Variants in ERMP1 observed in about 807,000 individuals in gnomAD.
ERMP1 encodes Felix-ina.
ERMP1 carries 86 observed loss-of-function variants against 92.0 expected under a neutral mutation model. The observed-to-expected ratio is 0.93, with a 90% CI of 0.79 to 1.12. The LOEUF (loss-of-function observed/expected upper bound fraction) is 1.12, where lower values mean the gene tolerates loss of function less well. ERMP1 is among the 50% of genes most tolerant of loss of function. The pLI, the probability that ERMP1 is intolerant of heterozygous loss-of-function variation, is 0.00. For synonymous variants in ERMP1, 530 were observed against 412.8 expected (o/e 1.28, Z -3.44); for missense variants, 1,342 against 1,116.3 (o/e 1.20, Z -2.88).
intron 10 of ERMP1, among the ~76,000 whole-genome samples, chr9:5,804,340 G>A (rs1422112060): frequency 6.6e-6 from 1 of 152,108 alleles, no homozygotes; most frequent in Admixed American, 6.5e-5. Context: ...CTCAAGGGGG[G>A]TCTGGTCTTA....
chr9:5,819,271 G>A (rs1182376583), intron 4 of ERMP1, among the ~76,000 whole-genome samples: 1 of 152,162 alleles, frequency 6.6e-6, no homozygotes, highest in Non-Finnish European at 1.5e-5. Context: ...CGACAATGTG[G>A]ATGAACCTTG....
rs1279777588 is a variant in ERMP1 at position 5,804,887 on chromosome 9, C to T, written c.1914+140G>A. On this transcript the variant is annotated intron_variant, in intron 10 of 14. Coordinates refer to ENST00000339450, the MANE Select transcript of ERMP1 (RefSeq NM_024896.3). ...CTTACGATACCAAATTTACAAGATG[C>T]ATGGCCATTCATTCACCATTTCTTC... 1.4e-5 allele frequency: 9 copies of T among 657,388 alleles called. No homozygotes were observed. In the East Asian group the frequency reaches 2.5e-4, roughly 18 times the overall value. The allele number at this position is 657,388 out of a possible 1,614,324, so 40.7% of individuals were successfully genotyped here.
intron 4 of ERMP1, among the ~76,000 whole-genome samples, chr9:5,817,393 T>C (rs1829358868): frequency 6.6e-6 from 1 of 152,062 alleles, no homozygotes. Flanking sequence ...TTTCACAATG[T>C]TGGCCAGGCT....
intron 5 of ERMP1, among the ~76,000 whole-genome samples, chr9:5,860,685 G>A (rs1830460509): frequency 6.7e-6 from 1 of 149,980 alleles, no homozygotes; most frequent in African/African-American, 2.5e-5. Flanking sequence ...CTGGCCTCAA[G>A]CAATCCTCCT....
intron 2 of ERMP1, among the ~76,000 whole-genome samples, chr9:5,826,748 C>G (rs571891746): frequency 2.0e-5 from 3 of 152,318 alleles, no homozygotes; most frequent in Non-Finnish European, 4.4e-5. Context: ...GAAATAAACT[C>G]TCTTTTTAAT....
chr9:5,788,165 C>G (rs930326187), intron 13 of ERMP1, among the ~76,000 whole-genome samples: 1 of 152,196 alleles, frequency 6.6e-6, no homozygotes, highest in African/African-American at 2.4e-5. Context: ...ACACCCTCAG[C>G]CTAACTTAAA....
chr9:5,791,772 A>G (rs1284865472), intron 13 of ERMP1, among the ~76,000 whole-genome samples: 2 of 152,252 alleles, frequency 1.3e-5, no homozygotes, highest in Non-Finnish European at 1.5e-5. Flanking sequence ...ACAATTCAAC[A>G]CATGTCTTGA....
At position 5,798,883 on chromosome 9, in the gene ERMP1, A is replaced by G. The variant is rs781270247; in HGVS notation, c.2193T>C (p.Asp731=). Residue 731 remains aspartate (D), a synonymous_variant, in exon 12 of 15, where the codon GAT becomes GAC. Coordinates refer to ENST00000339450, the MANE Select transcript of ERMP1 (RefSeq NM_024896.3). Reference sequence around the variant, plus strand: ...TCTCCTCACAGTGAGCTCGGATACTATCATTGATCTCAGGAATGTGAGGGG... The same window carrying G: ...TCTCCTCACAGTGAGCTCGGATACTGTCATTGATCTCAGGAATGTGAGGGG... The part of the protein sequence containing the change: ...HITPHIPEIN[D]SIRAHCEENA... 2 of 1,613,678 alleles carry G rather than the reference A, an allele frequency of 1.2e-6. No homozygotes were observed. Among genetic ancestry groups the G allele is most frequent in the Non-Finnish European group, 1.7e-6 (2 of 1,179,598 alleles).
intron 13 of ERMP1, among the ~76,000 whole-genome samples, chr9:5,788,866 G>A (rs546623964): frequency 6.6e-6 from 1 of 152,192 alleles, no homozygotes; most frequent in East Asian, 1.9e-4. Flanking sequence ...AAAAGAAATG[G>A]AGGAAAAAGG....
At position 5,784,907 on chromosome 9, in the gene ERMP1, C is replaced by CTT. The variant is rs888621402; in HGVS notation, c.*2235_*2236dup. On this transcript the variant is annotated 3_prime_UTR_variant, in exon 15 of 15. Transcript: ENST00000339450. ...TAGAAAATAATGCATTTGTTAGTGA[C>CTT]TTTGTTAGAGCTTGAAAAGACCCTT... 1 of 152,288 alleles carries CTT rather than the reference C, an allele frequency of 6.6e-6. No homozygotes were observed. The highest frequency in any genetic ancestry group is 2.4e-5 in the African/African-American group (1 of 41,428). The allele number at this position is 152,288 out of a possible 1,614,324, so 9.4% of individuals were successfully genotyped here. A position where few individuals can be genotyped will look rare whatever the true frequency, so the allele number is the denominator to read the frequency against.
intron 10 of ERMP1, among the ~76,000 whole-genome samples, chr9:5,803,167 T>G (rs539641720): frequency 6.6e-6 from 1 of 152,312 alleles, no homozygotes; most frequent in Admixed American, 6.5e-5. Context: ...TGTGGTTCAA[T>G]TCTCCATTAC....
Position 5,793,272 on chromosome 9 carries a change from T to TA in ERMP1, c.2386+4544dup, listed in dbSNP as rs540311191. Among the ~76,000 whole-genome samples, 611 of 147,984 alleles carry TA rather than the reference T, an allele frequency of 4.1e-3. 3 individuals are homozygous for TA. Among genetic ancestry groups the TA allele is most frequent in the African/African-American group, 0.013 (523 of 40,468 alleles). On this transcript the variant is annotated intron_variant, in intron 13 of 14. Transcript: ENST00000339450. ...CGACAGGGCAGCCATTAAAAAAGGT[T>TA]AAAAAAAAAATAGTAGTGTAACTGA...
chr9:5,860,134 C>CAAA (rs55876887), intron 5 of ERMP1, among the ~76,000 whole-genome samples: 5 of 140,862 alleles, frequency 3.5e-5, no homozygotes, highest in Non-Finnish European at 4.6e-5. Context: ...TTGTCTCTAC[C>CAAA]AAAAAAAAAA....
chr9:5,797,387 T>C (rs529028253), intron 13 of ERMP1, among the ~76,000 whole-genome samples: 50 of 152,032 alleles, frequency 3.3e-4, no homozygotes, highest in Non-Finnish European at 6.3e-4. Flanking sequence ...TGGTGGCTCA[T>C]ACCTGTAATC....
At chr9:5,835,910 T>C (rs957036354), upstream of ERMP1, among the ~76,000 whole-genome samples, 3 of 152,192 alleles carry the variant, frequency 2.0e-5, no homozygotes, top group Admixed American at 2.0e-4. Flanking sequence ...CCACAGTGAA[T>C]TGGAACACAT....
chr9:5,829,046 C>A (rs1162550120), intron 2 of ERMP1, among the ~76,000 whole-genome samples: 1 of 151,818 alleles, frequency 6.6e-6, no homozygotes, highest in Admixed American at 6.6e-5. Context: ...GAGTTCAAGA[C>A]CAGCCTGGCC....
intron 2 of ERMP1, among the ~76,000 whole-genome samples, chr9:5,829,041 C>G (rs1316462200): frequency 6.6e-6 from 1 of 151,898 alleles, no homozygotes; most frequent in African/African-American, 2.4e-5. Context: ...GTCAGGAGTT[C>G]AAGACCAGCC....
chr9:5,787,788 A>C (rs1828006150), intron 13 of ERMP1, among the ~76,000 whole-genome samples, 195 bp from the exon 14 acceptor site: 1 of 152,228 alleles, frequency 6.6e-6, no homozygotes, highest in African/African-American at 2.4e-5. Context: ...ACAGGAGAAA[A>C]GGCACAGACT....
intron 5 of ERMP1, among the ~76,000 whole-genome samples, chr9:5,861,260 A>G (rs1165913660): frequency 1.3e-5 from 2 of 151,014 alleles, no homozygotes. Flanking sequence ...AGGGAAAAAA[A>G]ATCAGTTAAT....
Sources: gnomAD v4.1 joint callset for allele counts (sites outside exome capture counted in the v4.1 genomes callset) on GRCh38, gnomAD v4.1.1 for gene constraint, MANE v1.5 for transcripts, NCBI Gene and HGNC (gene_info 2026-07-23, HGNC 2026-07-21) for gene names.